NEDD4L: variants seen among roughly 807,000 people sequenced by gnomAD.
The protein encoded by NEDD4L is E3 ubiquitin-protein ligase NEDD4-like.
NEDD4L carries 54 observed loss-of-function variants against 148.9 expected under a neutral mutation model. That is an observed-to-expected ratio of 0.36 (90% CI 0.29 to 0.45). The LOEUF is 0.45. Among genes scored for constraint, NEDD4L ranks in the 20% least tolerant of loss-of-function variants. The pLI is 1.00. For missense variants in NEDD4L, 856 were observed against 1,233.8 expected (o/e 0.69, Z 4.59); for synonymous variants, 433 against 440.7 (o/e 0.98, Z 0.22).
At chr18:58,065,261 T>C (rs2082537988) in intron 1 of NEDD4L, among the ~76,000 whole-genome samples, 1 of 152,238 alleles carries the variant, frequency 6.6e-6, no homozygotes, top group Non-Finnish European at 1.5e-5. Flanking sequence ...TTTTTTTCAT[T>C]GTCACCATCA....
chr18:58,353,044 G>A (rs750488353), intron 18 of NEDD4L, among the ~76,000 whole-genome samples: 2 of 152,170 alleles, frequency 1.3e-5, no homozygotes, highest in African/African-American at 2.4e-5. Flanking sequence ...GGTTCATGGA[G>A]GATCAGTGGT....
chr18:58,105,309 A>G (rs1005684475), intron 1 of NEDD4L, among the ~76,000 whole-genome samples: 2 of 152,136 alleles, frequency 1.3e-5, no homozygotes, highest in African/African-American at 4.8e-5. Flanking sequence ...CGAGGATTCA[A>G]TCCATATCTC....
At chr18:58,336,047 G>T (rs1186189712) in intron 13 of NEDD4L, 1 of 153,246 alleles carries the variant, frequency 6.5e-6, no homozygotes, top group African/African-American at 2.4e-5. Flanking sequence ...GCCACCAGGG[G>T]CTCTCCTCAC....
At chr18:58,144,207 A>C (rs1386539440) in intron 1 of NEDD4L, among the ~76,000 whole-genome samples, 1 of 152,076 alleles carries the variant, frequency 6.6e-6, no homozygotes, top group Non-Finnish European at 1.5e-5. Flanking sequence ...AAAGAAAAGA[A>C]GTTTAATTGG....
At chr18:58,059,224 C>A (rs1471712761) in intron 1 of NEDD4L, among the ~76,000 whole-genome samples, 1 of 152,140 alleles carries the variant, frequency 6.6e-6, no homozygotes, top group Non-Finnish European at 1.5e-5. Flanking sequence ...CCACCGTGCT[C>A]AGCCCCTCCT....
In NEDD4L at chr18:58,340,135, C is replaced by T. The variant is rs139466435; in HGVS notation, c.1126-903C>T. Reference sequence around the variant, plus strand: ...TCACAGGCACAGATATTACATGCATCGCCTATGCATTCAAGCCCTCCTGGG... The same window carrying T: ...TCACAGGCACAGATATTACATGCATTGCCTATGCATTCAAGCCCTCCTGGG... On this transcript the variant is annotated intron_variant, in intron 13 of 30. Transcript: ENST00000400345. Among the ~76,000 whole-genome samples, 55 of 152,240 alleles carry T rather than the reference C, an allele frequency of 3.6e-4. No homozygotes were observed. In the East Asian group the frequency reaches 0.01, roughly 29 times the overall value.
chr18:58,114,729 CTG>C (rs1482382107), intron 1 of NEDD4L, among the ~76,000 whole-genome samples: 22 of 152,190 alleles, frequency 1.4e-4, no homozygotes, highest in African/African-American at 5.3e-4. Flanking sequence ...GTCGCCAGGG[CTG>C]TGTTCCTCCC....
chr18:58,300,508 C>G (rs770445096), intron 5 of NEDD4L, among the ~76,000 whole-genome samples: 1 of 152,230 alleles, frequency 6.6e-6, no homozygotes, highest in African/African-American at 2.4e-5. Flanking sequence ...TAAATAACTA[C>G]ACCAAGTCAC....
intron 24 of NEDD4L, among the ~76,000 whole-genome samples, chr18:58,378,717 C>T (rs1394784088): frequency 6.6e-6 from 1 of 152,188 alleles, no homozygotes; most frequent in African/African-American, 2.4e-5. Flanking sequence ...CATCAGTGGG[C>T]GTTTGCCCAG....
chr18:58,169,241 G>A (rs1046853030), intron 2 of NEDD4L, among the ~76,000 whole-genome samples: 9 of 152,116 alleles, frequency 5.9e-5, no homozygotes, highest in African/African-American at 1.5e-4. Context: ...AGCTTTGTTT[G>A]GAGCAGATTG....
Position 58,256,714 on chromosome 18 carries a change from TC to T in NEDD4L, c.297+4664del. 4.1e-6 allele frequency: 5 copies of T among 1,231,968 alleles called. No homozygotes were observed. Among genetic ancestry groups the T allele is most frequent in the Non-Finnish European group, 5.1e-6 (5 of 987,998 alleles). 76.3% of individuals were successfully genotyped at this position (1,231,968 alleles called of 1,614,324 possible). On this transcript the variant is annotated intron_variant, in intron 5 of 30. Coordinates refer to ENST00000400345, the MANE Select transcript of NEDD4L (RefSeq NM_001144967.3). This position sits in a 1 kb window ranked among gnomAD's most constrained non-coding sequence, Gnocchi z 5.2. ...TTGTAACCCGGGGGCCGGAAGAAGC[TC>T]CCCAGAATCCCGAGGAGAAAAGCGC...
intron 24 of NEDD4L, among the ~76,000 whole-genome samples, chr18:58,379,024 G>C (rs971195128): frequency 6.6e-6 from 1 of 152,258 alleles, no homozygotes; most frequent in African/African-American, 2.4e-5. Flanking sequence ...CTGAGCGCCT[G>C]CTGTGGCTGG....
intron 2 of NEDD4L, among the ~76,000 whole-genome samples, chr18:58,184,587 G>A (rs556860376): frequency 8.5e-5 from 13 of 152,256 alleles, no homozygotes; most frequent in East Asian, 3.9e-4. Context: ...TTAACACAGT[G>A]TAGTCCAGAA....
chr18:58,130,895 T>C (rs553643038), intron 1 of NEDD4L, among the ~76,000 whole-genome samples: 36 of 134,580 alleles, frequency 2.7e-4, no homozygotes, highest in South Asian at 9.8e-4. Flanking sequence ...TCTGTTGGGG[T>C]TTGGTTGTGA....
At chr18:58,177,417 C>G (rs181205236) in intron 2 of NEDD4L, among the ~76,000 whole-genome samples, 13 of 152,274 alleles carry the variant, frequency 8.5e-5, no homozygotes, top group African/African-American at 2.9e-4. Flanking sequence ...ACCAAGCCTT[C>G]AGGAACACAG....
chr18:58,094,360 A>AT (rs975023579), intron 1 of NEDD4L, among the ~76,000 whole-genome samples: 3 of 150,546 alleles, frequency 2.0e-5, no homozygotes, highest in African/African-American at 4.9e-5. Context: ...AATTTTTTGT[A>AT]TTTTTTTATA....
intron 1 of NEDD4L, among the ~76,000 whole-genome samples, chr18:58,072,241 C>T (rs544902826): frequency 7.9e-5 from 12 of 152,076 alleles, no homozygotes; most frequent in Non-Finnish European, 1.3e-4. Flanking sequence ...TTATAATTAA[C>T]CTGATACCAA....
At chr18:58,138,949 C>T (rs2033176944) in intron 1 of NEDD4L, among the ~76,000 whole-genome samples, 1 of 152,236 alleles carries the variant, frequency 6.6e-6, no homozygotes, top group Admixed American at 6.5e-5. Flanking sequence ...TGGCAATCAC[C>T]AGGATGCCTG....
chr18:58,371,203 A>ATTGTTTTTTTT (rs2046821575), intron 23 of NEDD4L, among the ~76,000 whole-genome samples: 1 of 92,988 alleles, frequency 1.1e-5, no homozygotes, highest in South Asian at 4.1e-4. Flanking sequence ...TGCCTGGCTA[A>ATTGTTTTTTTT]TTTTTTTTTT....
Sources: gnomAD v4.1 joint callset for allele counts (sites outside exome capture counted in the v4.1 genomes callset) on GRCh38, gnomAD v4.1.1 for gene constraint, Gnocchi (gnomAD v3.1) non-coding constraint, MANE v1.5 for transcripts, NCBI Gene and HGNC (gene_info 2026-07-23, HGNC 2026-07-21) for gene names.